The following GALNT15 variants were observed in gnomAD, a reference collection of about 807,000 sequenced individuals.
GALNT15 encodes UDP-GalNAc transferase T15.
GALNT15 carries 67 observed loss-of-function variants against 66.8 expected under a neutral mutation model. The ratio of observed to expected loss-of-function variants is 1.00; its 90% CI spans 0.82 to 1.23. The LOEUF (loss-of-function observed/expected upper bound fraction) is 1.23. Among genes scored for constraint, GALNT15 ranks in the 50% most tolerant of loss-of-function variants. The pLI, the probability that GALNT15 is intolerant of heterozygous loss-of-function variation, is 0.00. For missense variants in GALNT15, 827 were observed against 804.3 expected (o/e 1.03, Z -0.34); for synonymous variants, 313 against 311.5 (o/e 1.00, Z -0.05).
the GALNT15 span, among the ~76,000 whole-genome samples, chr3:16,239,747 GC>G: frequency 6.6e-6 from 1 of 152,160 alleles, no homozygotes; most frequent in Non-Finnish European, 1.5e-5. The surrounding 1 kb of genome is among the most constrained non-coding windows in gnomAD (Gnocchi z 5.2). Flanking sequence ...GTTTCTACTT[GC>G]TTTCTAAAAG....
chr3:16,232,277 A>G (rs1318761107), downstream of GALNT15, among the ~76,000 whole-genome samples: 1 of 151,520 alleles, frequency 6.6e-6, no homozygotes, highest in Admixed American at 6.6e-5. Context: ...CTTAAGAGAT[A>G]ATGTGAGGTT....
At chr3:16,218,978 C>A (rs137944351) in intron 6 of GALNT15, among the ~76,000 whole-genome samples, 65 of 152,148 alleles carry the variant, frequency 4.3e-4, no homozygotes, top group African/African-American at 1.5e-3. Context: ...CCACACCTGG[C>A]TAATTTTTTG....
chr3:16,244,196 A>T, the GALNT15 span, among the ~76,000 whole-genome samples: 1 of 152,232 alleles, frequency 6.6e-6, no homozygotes, highest in Non-Finnish European at 1.5e-5. Context: ...AGTGACTCAC[A>T]GTGCGATGCT....
intron 1 of GALNT15, among the ~76,000 whole-genome samples, chr3:16,179,689 A>T (rs540401064): frequency 1.5e-4 from 23 of 152,340 alleles, no homozygotes; most frequent in African/African-American, 5.5e-4. Context: ...TCATTAGGGG[A>T]AATGTAAATC....
chr3:16,237,803 G>A, the GALNT15 span, among the ~76,000 whole-genome samples: 13 of 152,294 alleles, frequency 8.5e-5, no homozygotes, highest in African/African-American at 2.4e-4. The surrounding 1 kb of genome is among the most constrained non-coding windows in gnomAD (Gnocchi z 4.2). Flanking sequence ...GTCTGATGGT[G>A]GAGCCACCAC....
At chr3:16,222,859 G>T (rs766334321) in intron 9 of GALNT15, 101 bp downstream of exon 9, 3 of 1,344,694 alleles carry the variant, frequency 2.2e-6, no homozygotes, top group Non-Finnish European at 3.1e-6. Flanking sequence ...AGGTATTAGG[G>T]ACCTCTGCCT....
rs1209067983 is a variant in GALNT15, at chr3:16,230,062, T to C, written c.*2562T>C. Among the ~76,000 whole-genome samples the C allele has an allele frequency of 6.6e-6, 1 of 152,202 alleles. No homozygotes were observed. Among genetic ancestry groups the C allele is most frequent in the African/African-American group, 2.4e-5 (1 of 41,456 alleles). On this transcript the variant is annotated 3_prime_UTR_variant, in exon 10 of 10. Coordinates refer to ENST00000339732, the MANE Select transcript of GALNT15 (RefSeq NM_054110.5). The surrounding 1 kb of genome is among the most constrained non-coding windows in gnomAD (Gnocchi z 4.5). ...ATTTAAAAGTAGAGAAACTTGTCAGTTGAGAGATCTGATTCCCAAGAGATT... is the reference window on the plus strand; with the variant it reads ...ATTTAAAAGTAGAGAAACTTGTCAGCTGAGAGATCTGATTCCCAAGAGATT...
intron 8 of GALNT15, chr3:16,220,300 G>T: frequency 2.4e-6 from 1 of 416,530 alleles, no homozygotes. Context: ...TGAGAAAACT[G>T]AGGCTTAGGG....
At chr3:16,221,006 A>G (rs2063936669) in intron 8 of GALNT15, among the ~76,000 whole-genome samples, 1 of 152,214 alleles carries the variant, frequency 6.6e-6, no homozygotes, top group Non-Finnish European at 1.5e-5. Context: ...AAGAAGCCAC[A>G]TGGTAGGGTG....
chr3:16,232,252 T>A (rs1022883958), downstream of GALNT15, among the ~76,000 whole-genome samples: 2 of 151,356 alleles, frequency 1.3e-5, no homozygotes, highest in Admixed American at 6.6e-5. Context: ...AAGAAATCAG[T>A]CTCTCTACCA....
At position 16,190,316 on chromosome 3, in the gene GALNT15, C is replaced by T. The variant is rs138889809; in HGVS notation, c.540-5444C>T. Among the ~76,000 whole-genome samples the T allele has an allele frequency of 1.6e-4, 25 of 152,290 alleles. No individual in the cohort carries two copies. The East Asian group carries it at 3.9e-3, about 24-fold the overall frequency. On this transcript the variant is annotated intron_variant, in intron 1 of 9. Coordinates refer to ENST00000339732, the MANE Select transcript of GALNT15 (RefSeq NM_054110.5). ...CTAAACAGTCTGCACCATCCTCAGGCTCCCCCTCCAGCCCACTAGAAACAA... is the reference window on the plus strand; with the variant it reads ...CTAAACAGTCTGCACCATCCTCAGGTTCCCCCTCCAGCCCACTAGAAACAA...
chr3:16,218,384 CA>C (rs1173791176), intron 6 of GALNT15, among the ~76,000 whole-genome samples: 1 of 152,164 alleles, frequency 6.6e-6, no homozygotes, highest in Non-Finnish European at 1.5e-5. Flanking sequence ...CATTCCAACC[CA>C]TCCTTGTCAC....
rs1249785632 is a variant in GALNT15, at chr3:16,203,901, C to G, written c.911+3078C>G. Reference sequence around the variant, plus strand: ...AGGGACGTCGCCCACGTGCCTCATACAAAGCCAAGCTGTGGAAGGCATTTG... The same window carrying G: ...AGGGACGTCGCCCACGTGCCTCATAGAAAGCCAAGCTGTGGAAGGCATTTG... On this transcript the variant is annotated intron_variant, in intron 3 of 9. Coordinates refer to ENST00000339732, the MANE Select transcript of GALNT15 (RefSeq NM_054110.5). This position sits in a 1 kb window ranked among gnomAD's most constrained non-coding sequence, Gnocchi z 6.2. 2.0e-5 allele frequency among the ~76,000 whole-genome samples: 3 copies of G among 152,122 alleles called. No individual in the cohort carries two copies. The highest frequency in any genetic ancestry group is 4.4e-5 in the Non-Finnish European group (3 of 68,034).
chr3:16,186,898 ATG>A lies in GALNT15; in HGVS notation c.540-8861_540-8860del. Among the ~76,000 whole-genome samples, 1 of 152,180 alleles carries A rather than the reference ATG, an allele frequency of 6.6e-6. No individual in the cohort carries two copies. The highest frequency in any genetic ancestry group is 1.5e-5 in the Non-Finnish European group (1 of 68,028). On this transcript the variant is annotated intron_variant, in intron 1 of 9. Coordinates refer to ENST00000339732, the MANE Select transcript of GALNT15 (RefSeq NM_054110.5). This position sits in a 1 kb window ranked among gnomAD's most constrained non-coding sequence, Gnocchi z 5.1. ...GCTGCACACCTTTATACTTGAATCC[ATG>A]GAATTGTACACTTTATAAAGGTGGA...
Position 16,189,546 on chromosome 3 carries a change from C to T in GALNT15, c.540-6214C>T, listed in dbSNP as rs536154622. The stretch of plus-strand genomic sequence containing the variant: ...CACATTTTTACCTGAAAAATAGTAA[C>T]AGCTTCCAGTTATTGAAAGCCTGCT... On this transcript the variant is annotated intron_variant, in intron 1 of 9. Transcript: ENST00000339732. The surrounding 1 kb of genome is among the most constrained non-coding windows in gnomAD (Gnocchi z 5.1). 4.5e-4 allele frequency among the ~76,000 whole-genome samples: 68 copies of T among 152,318 alleles called. No individual in the cohort carries two copies. The highest frequency in any genetic ancestry group is 1.6e-3 in the African/African-American group (68 of 41,564).
chr3:16,221,503 T>G (rs1489225915), intron 8 of GALNT15, among the ~76,000 whole-genome samples: 3 of 152,162 alleles, frequency 2.0e-5, no homozygotes, highest in Non-Finnish European at 4.4e-5. Flanking sequence ...GTGTGAGGGA[T>G]GGTTACTATG....
chr3:16,228,210 C>T lies in GALNT15; in HGVS notation c.*710C>T. On this transcript the variant is annotated 3_prime_UTR_variant, in exon 10 of 10. Transcript: ENST00000339732. The stretch of plus-strand genomic sequence containing the variant: ...TCCTACTGAGAATCTACCTCTATTC[C>T]CCCTGCCCTAGCTCTTCTCTAACTT... 1 of 985,858 alleles carries T rather than the reference C, an allele frequency of 1.0e-6. No individual in the cohort carries two copies. Among genetic ancestry groups the T allele is most frequent in the South Asian group, 4.7e-5 (1 of 21,286 alleles). 61.1% of individuals were successfully genotyped at this position (985,858 alleles called of 1,614,324 possible).
intron 1 of GALNT15, among the ~76,000 whole-genome samples, chr3:16,190,619 C>T (rs1215433481): frequency 2.2e-4 from 26 of 120,624 alleles, no homozygotes; most frequent in Non-Finnish European, 3.9e-4. Context: ...GCCTGGGGGA[C>T]AGAGCGAGAC....
intron 1 of GALNT15, among the ~76,000 whole-genome samples, chr3:16,194,332 C>A (rs1028678620): frequency 6.6e-6 from 1 of 152,222 alleles, no homozygotes; most frequent in African/African-American, 2.4e-5. Context: ...TAAATGTCTT[C>A]TCTTTTAGAA....
Sources: gnomAD v4.1 joint callset for allele counts (sites outside exome capture counted in the v4.1 genomes callset) on GRCh38, gnomAD v4.1.1 for gene constraint, Gnocchi (gnomAD v3.1) non-coding constraint, MANE v1.5 for transcripts, NCBI Gene and HGNC (gene_info 2026-07-23, HGNC 2026-07-21) for gene names.